Variants in AGK observed in about 807,000 individuals in gnomAD.
The protein encoded by AGK is acylglycerol kinase, mitochondrial.
Under a neutral mutation model 66.4 loss-of-function variants are expected in AGK, and 52 were observed. The observed-to-expected ratio is 0.78, with a 90% confidence interval of 0.63 to 0.99. The LOEUF is 0.99. Among genes scored for constraint, AGK ranks in the 50% least tolerant of loss-of-function variants. AGK has a pLI of 0.00. For missense variants in AGK, 451 were observed against 506.6 expected, an observed-to-expected ratio of 0.89 and a Z score of 1.05; for synonymous variants, 182 against 181.1, an observed-to-expected ratio of 1.00 and a Z score of -0.04.
chr7:141,651,350 C>G (rs1797552462), intron 14 of AGK, among the ~76,000 whole-genome samples, 175 bp from the exon 15 acceptor site: 2 of 152,182 alleles, frequency 1.3e-5, no homozygotes, highest in Non-Finnish European at 2.9e-5. Context: ...TAGAATGTAT[C>G]ACAAGGCTAA....
chr7:141,578,082 G>T (rs558024368), intron 2 of AGK, among the ~76,000 whole-genome samples: 19 of 152,142 alleles, frequency 1.2e-4, no homozygotes, highest in Non-Finnish European at 2.4e-4. Flanking sequence ...TCAGTATCAC[G>T]CGCGTCCATG....
At chr7:141,651,001 A>G (rs1283183233) in intron 14 of AGK, among the ~76,000 whole-genome samples, 1 of 152,216 alleles carries the variant, frequency 6.6e-6, no homozygotes, top group Non-Finnish European at 1.5e-5. Flanking sequence ...GTGCAAAAAT[A>G]TGTATTCTCT....
chr7:141,590,649 C>T (rs1333538164), intron 2 of AGK, among the ~76,000 whole-genome samples: 2 of 152,068 alleles, frequency 1.3e-5, no homozygotes, highest in African/African-American at 4.8e-5. Context: ...GTCATAAATG[C>T]AAAGTATCCA....
intron 10 of AGK, among the ~76,000 whole-genome samples, chr7:141,636,391 G>A (rs1797170739): frequency 6.6e-6 from 1 of 152,116 alleles, no homozygotes; most frequent in Admixed American, 6.6e-5. Flanking sequence ...AACAAATGCA[G>A]ATAGAGAATA....
At chr7:141,574,843 T>G (rs1395302639) in intron 2 of AGK, among the ~76,000 whole-genome samples, 2 of 152,334 alleles carry the variant, frequency 1.3e-5, no homozygotes, top group Middle Eastern at 3.4e-3. Context: ...GTTTTGGGAT[T>G]TCTATACTTT....
chr7:141,651,057 A>T (rs1465535240), intron 14 of AGK, among the ~76,000 whole-genome samples: 2 of 152,360 alleles, frequency 1.3e-5, no homozygotes, highest in East Asian at 3.9e-4. Flanking sequence ...ACAGATAGGA[A>T]GGGTTATCAG....
chr7:141,601,148 TG>T, intron 4 of AGK, 56 bp from the exon 5 acceptor site: 1 of 1,322,904 alleles, frequency 7.6e-7, no homozygotes, highest in Non-Finnish European at 1.1e-6. Flanking sequence ...TAAGGCTTTT[TG>T]TTCTTGCTCT....
chr7:141,651,701 T>A lies in AGK; in HGVS notation c.1131+92T>A. 4 of 1,195,794 alleles carry A rather than the reference T, an allele frequency of 3.3e-6. No individual in the cohort carries two copies. In the South Asian group the frequency reaches 5.0e-5, roughly 15 times the overall value. The allele number at this position is 1,195,794 out of a possible 1,614,324, so 74.1% of individuals were successfully genotyped here. A position where few individuals can be genotyped will look rare whatever the true frequency, so the allele number is the denominator to read the frequency against. ...TGTCCCATCCTTCCTCTCTGTTAGC[T>A]GACCTAGACTTAGGCACATATTGTG... is the stretch of plus-strand genomic sequence containing the variant. On this transcript the variant is annotated intron_variant, in intron 15 of 15. Coordinates refer to ENST00000649286, the MANE Select transcript of AGK (RefSeq NM_018238.4).
chr7:141,611,438 T>A, intron 6 of AGK, 151 bp downstream of exon 6: 1 of 495,490 alleles, frequency 2.0e-6, no homozygotes, highest in East Asian at 3.6e-5. Flanking sequence ...TAGCTTTAAA[T>A]TTTTCTCCTG....
At position 141,627,952 on chromosome 7, in the gene AGK, G is replaced by A. The variant is rs188943724; in HGVS notation, c.589-5949G>A. Among the ~76,000 whole-genome samples, 43 of 152,274 alleles carry A rather than the reference G, an allele frequency of 2.8e-4. No homozygotes were observed. In the South Asian group the frequency reaches 3.1e-3, roughly 11 times the overall value. ...GCTGAAGTGCAGTGGCACAATCTTGGCTCACTGCAACCTCCACCTCCCAGG... is the reference window on the plus strand; with the variant it reads ...GCTGAAGTGCAGTGGCACAATCTTGACTCACTGCAACCTCCACCTCCCAGG... On this transcript the variant is annotated intron_variant, in intron 9 of 15. Coordinates refer to ENST00000649286, the MANE Select transcript of AGK (RefSeq NM_018238.4).
intron 5 of AGK, among the ~76,000 whole-genome samples, chr7:141,601,819 G>C (rs910592935): frequency 1.7e-4 from 26 of 152,274 alleles, no homozygotes; most frequent in Admixed American, 1.6e-3. Context: ...ATGTGGGTAA[G>C]TACATACATG....
chr7:141,593,082 C>T, intron 2 of AGK, 64 bp from the exon 3 acceptor site: 2 of 1,450,812 alleles, frequency 1.4e-6, no homozygotes, highest in Non-Finnish European at 9.6e-7. Context: ...AAAAAGCTCA[C>T]AAATTTTGTT....
chr7:141,633,516 C>T (rs2116997466), intron 9 of AGK, among the ~76,000 whole-genome samples: 1 of 152,186 alleles, frequency 6.6e-6, no homozygotes, highest in Admixed American at 6.5e-5. Flanking sequence ...AGCTCTTGAT[C>T]CTATAAGGAA....
At chr7:141,593,322 A>G (rs1472138265) in intron 3 of AGK, 137 bp downstream of exon 3, 7 of 799,436 alleles carry the variant, frequency 8.8e-6, no homozygotes, top group Non-Finnish European at 1.5e-5. Context: ...AGGATGAATC[A>G]CGCTGGGAGC....
intron 2 of AGK, among the ~76,000 whole-genome samples, chr7:141,569,797 A>G (rs1795559874): frequency 1.3e-5 from 2 of 152,200 alleles, no homozygotes; most frequent in Non-Finnish European, 2.9e-5. Context: ...TCCTGATCCT[A>G]ACCTCTCAAA....
chr7:141,629,594 C>G (rs1049490633), intron 9 of AGK, among the ~76,000 whole-genome samples: 13 of 152,168 alleles, frequency 8.5e-5, no homozygotes, highest in African/African-American at 3.1e-4. Context: ...TGAATCCTGA[C>G]AGTCCTATGC....
chr7:141,632,154 C>T (rs368173585), intron 9 of AGK, among the ~76,000 whole-genome samples: 2 of 151,744 alleles, frequency 1.3e-5, no homozygotes, highest in East Asian at 3.9e-4. Context: ...TCACTTGAAC[C>T]TGGGAGGCAG....
intron 13 of AGK, among the ~76,000 whole-genome samples, chr7:141,645,302 T>C (rs555219083): frequency 3.9e-5 from 6 of 152,302 alleles, no homozygotes; most frequent in Non-Finnish European, 7.4e-5. Context: ...ATTTTTATGC[T>C]ATTCTAAATA....
chr7:141,559,299 T>TAAG (rs1795284740), intron 2 of AGK, among the ~76,000 whole-genome samples: 1 of 152,154 alleles, frequency 6.6e-6, no homozygotes, highest in African/African-American at 2.4e-5. Flanking sequence ...TTATATGGTA[T>TAAG]AAGATAGGGG....
Sources: gnomAD v4.1 joint callset for allele counts (sites outside exome capture counted in the v4.1 genomes callset) on GRCh38, gnomAD v4.1.1 for gene constraint, MANE v1.5 for transcripts, NCBI Gene and HGNC (gene_info 2026-07-23, HGNC 2026-07-21) for gene names.